BASP1: variants seen among roughly 807,000 people sequenced by gnomAD.
BASP1 encodes the protein brain acid soluble protein 1.
In BASP1, 1 loss-of-function variant was observed where a neutral mutation model predicts 2.2. The ratio of observed to expected loss-of-function variants is 0.46; its 90% CI spans 0.16 to 2.17. The LOEUF is 2.17. BASP1 is among the 30% of genes most tolerant of loss of function. BASP1 has a pLI of 0.27. For synonymous variants in BASP1, 187 were observed against 154.2 expected (o/e 1.21, Z -1.58); for missense variants, 352 against 327.2 (o/e 1.08, Z -0.58).
At chr5:17,269,713 T>C (rs1169699687) in intron 1 of BASP1, among the ~76,000 whole-genome samples, 2 of 152,230 alleles carry the variant, frequency 1.3e-5, no homozygotes, top group Non-Finnish European at 2.9e-5. Flanking sequence ...TATTAAGCTA[T>C]TTGACATATG....
chr5:17,237,836 C>T (rs1579486624), intron 1 of BASP1, among the ~76,000 whole-genome samples: 1 of 152,034 alleles, frequency 6.6e-6, no homozygotes, highest in African/African-American at 2.4e-5. Flanking sequence ...GTCTTGAATT[C>T]CTCACCTCAA....
intron 1 of BASP1, among the ~76,000 whole-genome samples, chr5:17,232,267 C>T (rs1289364391): frequency 6.6e-6 from 1 of 152,234 alleles, no homozygotes; most frequent in Non-Finnish European, 1.5e-5. Flanking sequence ...CACTCCTCGT[C>T]TGTCCTTCCA....
chr5:17,218,541 T>C (rs1053202756), intron 1 of BASP1, among the ~76,000 whole-genome samples: 4 of 152,134 alleles, frequency 2.6e-5, no homozygotes, highest in African/African-American at 9.6e-5. Flanking sequence ...AGTTTGTTTT[T>C]TCGAGCCTTT....
intron 1 of BASP1, among the ~76,000 whole-genome samples, chr5:17,234,696 G>T (rs1280030679): frequency 2.0e-5 from 3 of 152,328 alleles, no homozygotes; most frequent in Non-Finnish European, 4.4e-5. Context: ...CTTACAGTGG[G>T]TGAAGGCAAA....
intron 1 of BASP1, among the ~76,000 whole-genome samples, chr5:17,240,146 A>ATAAT (rs1739833499): frequency 1.3e-5 from 2 of 151,202 alleles, no homozygotes; most frequent in South Asian, 4.2e-4. Context: ...AAATAAATAA[A>ATAAT]TAAATAAATA....
chr5:17,224,452 G>C lies in BASP1; in HGVS notation c.-10+6642G>C, dbSNP rs999536803. On this transcript the variant is annotated intron_variant, in intron 1 of 1. Transcript: ENST00000322611. Reference sequence around the variant, plus strand: ...TATCTTAGGTAATATGGACTCTTCAGGGGGGGAAAAAAGGGGAAGGGGGGC... The same window carrying C: ...TATCTTAGGTAATATGGACTCTTCACGGGGGGAAAAAAGGGGAAGGGGGGC... Among the ~76,000 whole-genome samples the C allele has an allele frequency of 3.0e-5, 4 of 132,652 alleles. No homozygotes were observed. The East Asian group carries it at 7.8e-4, about 26-fold the overall frequency. The allele number at this position is 132,652 out of a possible 152,430, so 87.0% of individuals were successfully genotyped here.
In BASP1 at chr5:17,251,400, C is replaced by T. The variant is rs1045626849; in HGVS notation, c.-9-23808C>T. ...AAGTATCAACATATCACATGTACCC[C>T]TAAAATATATAAAATGATTTTACAT... On this transcript the variant is annotated intron_variant, in intron 1 of 1. Coordinates refer to ENST00000322611, the MANE Select transcript of BASP1 (RefSeq NM_006317.5). The surrounding 1 kb of genome is among the most constrained non-coding windows in gnomAD (Gnocchi z 4.0). Among the ~76,000 whole-genome samples the T allele has an allele frequency of 2.0e-5, 3 of 152,118 alleles. No individual in the cohort carries two copies. The highest frequency in any genetic ancestry group is 4.4e-5 in the Non-Finnish European group (3 of 68,016).
chr5:17,259,649 G>C (rs576159298), intron 1 of BASP1, among the ~76,000 whole-genome samples: 5 of 152,272 alleles, frequency 3.3e-5, no homozygotes, highest in African/African-American at 4.8e-5. Flanking sequence ...CAATATGTAA[G>C]AATTTTAGGT....
At chr5:17,272,688 C>T (rs1034831147) in intron 1 of BASP1, among the ~76,000 whole-genome samples, 15 of 152,064 alleles carry the variant, frequency 9.9e-5, no homozygotes, top group Non-Finnish European at 2.2e-4. Flanking sequence ...TAGCAAAATG[C>T]CAGGGGCGTT....
At chr5:17,270,485 G>A (rs1267016226) in intron 1 of BASP1, among the ~76,000 whole-genome samples, 1 of 152,208 alleles carries the variant, frequency 6.6e-6, no homozygotes, top group East Asian at 1.9e-4. Flanking sequence ...AAGAAGTAGA[G>A]ATTTTACCTT....
chr5:17,231,914 A>G (rs1221540397), intron 1 of BASP1, among the ~76,000 whole-genome samples: 1 of 152,230 alleles, frequency 6.6e-6, no homozygotes, highest in Non-Finnish European at 1.5e-5. Flanking sequence ...CATGGAGAGC[A>G]CGTGTCTTCT....
chr5:17,247,404 A>G (rs1740015273), intron 1 of BASP1, among the ~76,000 whole-genome samples: 1 of 152,212 alleles, frequency 6.6e-6, no homozygotes, highest in Non-Finnish European at 1.5e-5. Flanking sequence ...GACTTCATAC[A>G]GGTCAACAAC....
Position 17,241,063 on chromosome 5 carries a change from G to C in BASP1, c.-10+23253G>C, listed in dbSNP as rs557843822. On this transcript the variant is annotated intron_variant, in intron 1 of 1. Transcript: ENST00000322611. ...CTAGTGCTTAGCATGTGCCAGGCAG[G>C]CCACATTCTAAGCTTTACACAGATT... 4.6e-5 allele frequency among the ~76,000 whole-genome samples: 7 copies of C among 151,602 alleles called. No individual in the cohort carries two copies. The South Asian group carries it at 1.3e-3, about 27-fold the overall frequency.
intron 1 of BASP1, among the ~76,000 whole-genome samples, chr5:17,269,580 C>T (rs1051183110): frequency 6.6e-6 from 1 of 152,206 alleles, no homozygotes; most frequent in Non-Finnish European, 1.5e-5. Context: ...ACATTTCTTC[C>T]AGAATAGCTG....
intron 1 of BASP1, among the ~76,000 whole-genome samples, chr5:17,221,378 T>C (rs1739390839): frequency 6.6e-6 from 1 of 151,924 alleles, no homozygotes; most frequent in Admixed American, 6.5e-5. Flanking sequence ...TTTTTTTTTT[T>C]TTTTTTTAAA....
At chr5:17,233,621 G>T (rs1259207172) in intron 1 of BASP1, among the ~76,000 whole-genome samples, 3 of 152,176 alleles carry the variant, frequency 2.0e-5, no homozygotes, top group Non-Finnish European at 4.4e-5. Flanking sequence ...TTGTTTGGAA[G>T]CCTTGGCTCA....
At chr5:17,246,912 T>G (rs10053617) in intron 1 of BASP1, among the ~76,000 whole-genome samples, 15,171 of 152,158 alleles carry the variant, frequency 0.1, 853 homozygotes, top group Middle Eastern at 0.13. Flanking sequence ...ATTTGGCCGT[T>G]GCAGTGGCTC....
chr5:17,271,547 T>TG (rs2126521227), intron 1 of BASP1, among the ~76,000 whole-genome samples: 1 of 152,338 alleles, frequency 6.6e-6, no homozygotes, highest in East Asian at 1.9e-4. Context: ...CTGAATTTTG[T>TG]TGCTGTGCTA....
Position 17,244,694 on chromosome 5 carries a change from GT to G in BASP1, c.-10+26900del, listed in dbSNP as rs79126102. Among the ~76,000 whole-genome samples the G allele has an allele frequency of 8.4e-3, 1,167 of 138,260 alleles. 7 individuals are homozygous for G. The highest frequency in any genetic ancestry group is 0.062 in the East Asian group (290 of 4,698). 90.7% of individuals were successfully genotyped at this position (138,260 alleles called of 152,430 possible). On this transcript the variant is annotated intron_variant, in intron 1 of 1. Transcript: ENST00000322611. Reference sequence around the variant, plus strand: ...ATATCAAAGATACTATAATTGTAGTGTTTTTTTTTTTTTTTTGAGACGGAGT... The same window carrying G: ...ATATCAAAGATACTATAATTGTAGTGTTTTTTTTTTTTTTTGAGACGGAGT...
Sources: allele counts gnomAD v4.1 joint callset (sites outside exome capture counted in the v4.1 genomes callset), GRCh38; gene constraint gnomAD v4.1.1; non-coding constraint Gnocchi (gnomAD v3.1); transcripts MANE v1.5; gene names NCBI Gene and HGNC (gene_info 2026-07-23, HGNC 2026-07-21).